The following DST variants were observed in gnomAD, a reference collection of about 807,000 sequenced individuals.
The protein encoded by DST is bullous pemphigoid antigen.
DST carries 253 observed loss-of-function variants against 875.2 expected under a neutral mutation model. The ratio of observed to expected loss-of-function variants is 0.29; its 90% confidence interval spans 0.26 to 0.32. The LOEUF is 0.32. DST is among the 10% of genes least tolerant of loss of function. DST has a pLI of 1.00. For synonymous variants in DST, 3,124 were observed against 3,197.1 expected, an observed-to-expected ratio of 0.98 and a Z score of 0.77; for missense variants, 8,287 against 9,111.6, an observed-to-expected ratio of 0.91 and a Z score of 3.68.
At chr6:56,625,083 C>G in intron 35 of DST, 74 bp downstream of exon 35, 1 of 1,097,504 alleles carries the variant, frequency 9.1e-7, no homozygotes, top group Non-Finnish European at 1.4e-6. Context: ...TTTACCACAA[C>G]AAAAAATAAA....
intron 4 of DST, among the ~76,000 whole-genome samples, chr6:56,819,081 A>G (rs1305946933): frequency 3.3e-5 from 5 of 152,196 alleles, no homozygotes; most frequent in Non-Finnish European, 5.9e-5. Context: ...TAATGCAACT[A>G]AAACACTTCC....
intron 5 of DST, among the ~76,000 whole-genome samples, chr6:56,732,014 G>C (rs2099500947): frequency 6.6e-6 from 1 of 152,084 alleles, no homozygotes; most frequent in African/African-American, 2.4e-5. Context: ...TTTAGAGATT[G>C]CTTTTTTCTG....
rs1327157555 is a variant in DST, at chr6:56,604,876, TC to T, written c.9751del (p.Glu3251LysfsTer30). On this transcript the variant is annotated frameshift_variant, in exon 40 of 104. Coordinates refer to ENST00000680361, the MANE Select transcript of DST (RefSeq NM_001374736.1). LOFTEE classifies it high-confidence loss of function. ...TTCTGTTCCTCCTCCTGAGATGCTT[TC>T]TTTACTACAAAGATCATTGCTTTGG... is the stretch of plus-strand genomic sequence containing the variant. Reference protein sequence around the residue: ...MIQSNDLCSKESISGGGTEIS... With the variant: ...MIQSNDLCSKXSISGGGTEIS... 6.2e-7 allele frequency: 1 copy of T among 1,612,622 alleles called. No homozygotes were observed. The highest frequency in any genetic ancestry group is 8.5e-7 in the Non-Finnish European group (1 of 1,179,306).
At chr6:56,715,188 T>C (rs2099390637) in intron 5 of DST, among the ~76,000 whole-genome samples, 1 of 152,132 alleles carries the variant, frequency 6.6e-6, no homozygotes, top group African/African-American at 2.4e-5. Flanking sequence ...ACTCAGGAAA[T>C]GGATTCACAA....
chr6:56,670,127 CCCGT>C (rs2099092946), intron 10 of DST, among the ~76,000 whole-genome samples: 1 of 124,506 alleles, frequency 8.0e-6, no homozygotes, highest in Non-Finnish European at 1.7e-5. Context: ...TGTGCGAGCG[CCCGT>C]GCGTGTGTGT....
rs1189473302 is a variant in DST, at chr6:56,557,493, T to C, written c.14466A>G (p.Gln4822=). 2.5e-6 allele frequency: 4 copies of C among 1,612,818 alleles called. No homozygotes were observed. In the African/African-American group the frequency reaches 5.3e-5, roughly 22 times the overall value. Residue 4822 remains glutamine, a synonymous_variant, in exon 59 of 104, where the codon CAA becomes CAG. Coordinates refer to ENST00000680361, the MANE Select transcript of DST (RefSeq NM_001374736.1). ...GTTTTTGTTGTCTATCAATTGTTAA[T>C]TGATTGAGTTCTTGCCACTTAGAAT... ...EIDSKWQELN[Q]LTIDRQQKLE... is the part of the protein sequence containing the mutation.
intron 3 of DST, among the ~76,000 whole-genome samples, chr6:56,873,088 C>T (rs1053808685): frequency 3.3e-5 from 5 of 152,064 alleles, no homozygotes; most frequent in Non-Finnish European, 7.4e-5. Flanking sequence ...ATTTCCTTGA[C>T]AATTAGTGAT....
rs562193513 is a variant in DST at position 56,469,768 on chromosome 6, A to G, written c.22551+115T>C. The G allele has an allele frequency of 1.3e-5, 11 of 859,258 alleles. No individual in the cohort carries two copies. The East Asian group carries it at 2.6e-4, about 20-fold the overall frequency. The allele number at this position is 859,258 out of a possible 1,614,324, so 53.2% of individuals were successfully genotyped here. On this transcript the variant is annotated intron_variant, in intron 97 of 103. Transcript: ENST00000680361. ...GAGTTTCATATACCATTAAATTTTG[A>G]CATGAGGTAAAAAAGTAAATAAATA...
intron 2 of DST, among the ~76,000 whole-genome samples, chr6:56,942,770 C>CA (rs550068071): frequency 3.7e-5 from 5 of 135,674 alleles, no homozygotes; most frequent in African/African-American, 1.4e-4. Flanking sequence ...GGCTAGAGTG[C>CA]AGTGGTATGA....
At chr6:56,587,365 A>G (rs2098175628) in intron 49 of DST, among the ~76,000 whole-genome samples, 1 of 152,238 alleles carries the variant, frequency 6.6e-6, no homozygotes, top group South Asian at 2.1e-4. Flanking sequence ...CAGAGAAAAA[A>G]GAATAAAAAG....
chr6:56,547,269 T>G (rs764955800), intron 61 of DST, among the ~76,000 whole-genome samples: 3 of 152,224 alleles, frequency 2.0e-5, no homozygotes, highest in Non-Finnish European at 4.4e-5. Context: ...CACCTCTTCA[T>G]AGCTAGGTGT....
At chr6:56,461,211 G>T (rs2094312542) in intron 102 of DST, 1 of 151,768 alleles carries the variant, frequency 6.6e-6, no homozygotes, top group East Asian at 1.9e-4. Flanking sequence ...AATATTAATA[G>T]TCATTTATCT....
At chr6:56,479,716 C>G (rs1027360734) in intron 90 of DST, among the ~76,000 whole-genome samples, 5 of 152,008 alleles carry the variant, frequency 3.3e-5, no homozygotes, top group African/African-American at 1.2e-4. Flanking sequence ...TAAATGGGAG[C>G]CAAACAATGG....
chr6:56,790,571 T>C (rs1262218937), intron 4 of DST, among the ~76,000 whole-genome samples: 1 of 152,206 alleles, frequency 6.6e-6, no homozygotes, highest in Non-Finnish European at 1.5e-5. Context: ...ACCTTCTTCC[T>C]CCTTTCAGGC....
At chr6:56,942,969 C>T (rs1017794826) in intron 2 of DST, among the ~76,000 whole-genome samples, 2 of 152,102 alleles carry the variant, frequency 1.3e-5, no homozygotes, top group African/African-American at 2.4e-5. Flanking sequence ...AATTCTCCCG[C>T]ATCTGCCTCC....
chr6:56,643,650 G>A (rs1313385115), intron 15 of DST, among the ~76,000 whole-genome samples: 1 of 152,148 alleles, frequency 6.6e-6, no homozygotes, highest in African/African-American at 2.4e-5. Flanking sequence ...AAACATGAAG[G>A]CATTTATCCA....
intron 61 of DST, among the ~76,000 whole-genome samples, chr6:56,544,436 G>A (rs975054905): frequency 1.3e-5 from 2 of 152,160 alleles, no homozygotes; most frequent in Admixed American, 6.5e-5. Context: ...AAAGCTAAGA[G>A]GAGCAACATA....
In DST at chr6:56,706,322, A is replaced by AAAAG. The variant is rs577113485; in HGVS notation, c.688-1957_688-1954dup. ...GAGCGAGACTCCGTCTCAAAAAAAA[A>AAAAG]AAAGAAAGAAAGAAAGAAAGAAAAA... On this transcript the variant is annotated intron_variant, in intron 5 of 103. Coordinates refer to ENST00000680361, the MANE Select transcript of DST (RefSeq NM_001374736.1). Among the ~76,000 whole-genome samples the AAAAG allele has an allele frequency of 1.0e-2, 1,509 of 151,526 alleles. 27 individuals carry two copies. Among genetic ancestry groups the AAAAG allele is most frequent in the African/African-American group, 0.033 (1,371 of 41,320 alleles).
intron 30 of DST, 125 bp downstream of exon 30, chr6:56,631,086 A>T: frequency 2.8e-6 from 1 of 363,166 alleles, no homozygotes; most frequent in Non-Finnish European, 4.1e-6. Flanking sequence ...CCCAGCCAAT[A>T]ATGTATTTCT....
Sources: allele counts gnomAD v4.1 joint callset (sites outside exome capture counted in the v4.1 genomes callset), GRCh38; gene constraint gnomAD v4.1.1; transcripts MANE v1.5; gene names NCBI Gene and HGNC (gene_info 2026-07-23, HGNC 2026-07-21).